Variants in ALS2 observed in about 807,000 individuals in gnomAD.
ALS2 encodes the protein alsin Rho guanine nucleotide exchange factor ALS2.
A neutral mutation model predicts 203.4 loss-of-function variants in ALS2; 117 were observed. The observed-to-expected ratio is 0.58, with a 90% CI of 0.50 to 0.67. The LOEUF is 0.67. Among genes scored for constraint, ALS2 ranks in the 30% least tolerant of loss-of-function variants. The pLI is 0.00. For synonymous variants in ALS2, 718 were observed against 725.9 expected, an observed-to-expected ratio of 0.99 and a Z score of 0.17; for missense variants, 1,715 against 1,989.4, an observed-to-expected ratio of 0.86 and a Z score of 2.62.
intron 25 of ALS2, among the ~76,000 whole-genome samples, chr2:201,714,169 T>C (rs778581031): frequency 6.6e-6 from 1 of 152,206 alleles, no homozygotes; most frequent in African/African-American, 2.4e-5. Context: ...GGTTGACCCT[T>C]GGCTGGCACT....
chr2:201,777,706 T>A (rs1416157258), intron 1 of ALS2, among the ~76,000 whole-genome samples: 1 of 152,294 alleles, frequency 6.6e-6, no homozygotes, highest in East Asian at 1.9e-4. Flanking sequence ...TCCCACGTTT[T>A]CATATTTACT....
chr2:201,723,314 C>T lies in ALS2; in HGVS notation c.3624+16G>A. ...TTAAAAAGTTAGTAATAACTACATG[C>T]AAATATTCCACTCACCATCATTTTA... On this transcript the variant is annotated intron_variant, in intron 22 of 33. Transcript: ENST00000264276. 6.3e-7 allele frequency: 1 copy of T among 1,582,652 alleles called. No homozygotes were observed. The highest frequency in any genetic ancestry group is 1.1e-5 in the South Asian group (1 of 90,438).
chr2:201,707,235 T>TA (rs1407078845), intron 28 of ALS2, among the ~76,000 whole-genome samples: 40 of 152,312 alleles, frequency 2.6e-4, no homozygotes, highest in Non-Finnish European at 4.9e-4. Context: ...TTTCATGAAT[T>TA]AAAAATCTCA....
intron 11 of ALS2, chr2:201,741,279 T>G (rs1183122665): frequency 5.4e-6 from 1 of 184,948 alleles, no homozygotes; most frequent in Non-Finnish European, 1.2e-5. Context: ...AAAGCAGACA[T>G]CAGAACAGCT....
In ALS2 at chr2:201,707,906, C is replaced by G. The variant is rs886055452; in HGVS notation, c.4366G>C (p.Gly1456Arg). ...GATTCAGATCGGGAATCTGACTTCC[C>G]AGTGCAAAAAGACTTCCTTTCGGTT... ...LPTERKSFCT[G>R]KSDSRSESPE... The change falls in exon 28 of 34, where the codon GGG (glycine) becomes CGG (arginine). Residue 1456 changes from glycine to arginine, a missense_variant. Around this residue, in one of 3 missense-constraint regions of ALS2, gnomAD observed 1,227 missense variants for 1,413.5 expected, o/e 0.87. Coordinates refer to ENST00000264276, the MANE Select transcript of ALS2 (RefSeq NM_020919.4). 2 of 1,613,460 alleles carry G rather than the reference C, an allele frequency of 1.2e-6. No homozygotes were observed. Among genetic ancestry groups the G allele is most frequent in the South Asian group, 2.2e-5 (2 of 91,054 alleles).
At chr2:201,731,951 A>G (rs1423011463) in intron 13 of ALS2, among the ~76,000 whole-genome samples, 2 of 152,222 alleles carry the variant, frequency 1.3e-5, no homozygotes, top group Non-Finnish European at 2.9e-5. Context: ...GGAAGGAAAT[A>G]TAAAGCATAT....
Position 201,704,207 on chromosome 2 carries a change from A to C in ALS2, c.4850T>G (p.Leu1617Ter), listed in dbSNP as rs1216013511. 5.0e-6 allele frequency: 8 copies of C among 1,613,962 alleles called. No homozygotes were observed. Among genetic ancestry groups the C allele is most frequent in the Non-Finnish European group, 5.9e-6 (7 of 1,179,850 alleles). Residue 1617 changes from leucine to a stop codon, truncating the protein, a stop_gained, in exon 33 of 34, where the codon TTA (leucine) becomes TGA (stop). Coordinates refer to ENST00000264276, the MANE Select transcript of ALS2 (RefSeq NM_020919.4). LOFTEE classifies it high-confidence loss of function. ...CTCAATGAGGTGTACCTCAGAGCCT[A>C]AATTCCTAATCCTGCCCCAGAGAGA... is the stretch of plus-strand genomic sequence containing the variant. ...YVVLRARIRN[L>*]GSEVHLIEDL...
chr2:201,737,298 A>C (rs1483162026), intron 12 of ALS2, among the ~76,000 whole-genome samples: 3 of 152,200 alleles, frequency 2.0e-5, no homozygotes, highest in African/African-American at 7.2e-5. Flanking sequence ...AGGGACTTGA[A>C]CATCCTTGAA....
chr2:201,717,263 G>A (rs1430811176), intron 24 of ALS2, among the ~76,000 whole-genome samples: 2 of 151,874 alleles, frequency 1.3e-5, no homozygotes, highest in East Asian at 1.9e-4. Flanking sequence ...TCAGGAGTTC[G>A]AGACCAGCCT....
rs529164422 is a variant in ALS2, at chr2:201,719,391, C to T, written c.3703-1181G>A. Among the ~76,000 whole-genome samples the T allele has an allele frequency of 2.0e-5, 3 of 152,224 alleles. No individual in the cohort carries two copies. The East Asian group carries it at 5.8e-4, about 29-fold the overall frequency. ...AGATCATGAGGTCAGGAGTTCGAGA[C>T]CAGCCTGACCAACATGGTGAAGCCC... On this transcript the variant is annotated intron_variant, in intron 23 of 33. Transcript: ENST00000264276.
At chr2:201,768,974 G>A (rs1694241739) in intron 1 of ALS2, 29 bp from the exon 2 acceptor site, 2 of 1,152,868 alleles carry the variant, frequency 1.7e-6, no homozygotes, top group South Asian at 1.5e-5. Context: ...GAAAAGAGCA[G>A]TAAAAGAATA....
Position 201,705,190 on chromosome 2 carries a change from G to C in ALS2, c.4637C>G (p.Thr1546Ser). ...ILGESKKVLP[T>S]TKDACFASAV... ...TGAGGCAAAACAAGCATCTTTCGTG[G>C]TTGGCAAAACCTGCAAAAAAGAGAG... Residue 1546 changes from threonine to serine, a missense_variant, in exon 31 of 34, where the codon ACC becomes AGC. This residue lies in a region of ALS2 where 1,227 missense variants were observed against 1,413.5 expected (regional missense o/e 0.87). Transcript: ENST00000264276. The C allele has an allele frequency of 6.2e-7, 1 of 1,614,082 alleles. No individual in the cohort carries two copies. The highest frequency in any genetic ancestry group is 8.5e-7 in the Non-Finnish European group (1 of 1,179,988).
chr2:201,717,928 C>T, intron 24 of ALS2, 149 bp downstream of exon 24: 1 of 745,596 alleles, frequency 1.3e-6, no homozygotes, highest in South Asian at 2.0e-5. Flanking sequence ...GACAGAGTGA[C>T]ACCCTGTCTC....
At chr2:201,729,808 G>A (rs1402894731) in intron 13 of ALS2, among the ~76,000 whole-genome samples, 3 of 151,108 alleles carry the variant, frequency 2.0e-5, no homozygotes, top group East Asian at 3.9e-4. Context: ...GTGAACCCGG[G>A]AGGCGGAGCT....
rs1691432385 is a variant in ALS2, at chr2:201,729,774, G to GGGAGGATGAGGCA, written c.2581-604_2581-592dup. Among the ~76,000 whole-genome samples the GGGAGGATGAGGCA allele has an allele frequency of 1.3e-5, 2 of 151,400 alleles. 1 individual carries two copies. Among genetic ancestry groups the GGGAGGATGAGGCA allele is most frequent in the South Asian group, 4.2e-4 (2 of 4,778 alleles). ...CGGGCGCCTGTAGACCCAGCTACTC[G>GGGAGGATGAGGCA]GGAGGATGAGGCAGGAGAATGGCGT... On this transcript the variant is annotated intron_variant, in intron 13 of 33. Transcript: ENST00000264276.
rs1477117912 is a variant in ALS2, at chr2:201,738,567, A to G, written c.2417+103T>C. ...AGTTTATATTTTGACTTGTTTGGTA[A>G]AATGATGAAGTCAAAGCTTTCCCTG... On this transcript the variant is annotated intron_variant, in intron 12 of 33. Transcript: ENST00000264276. 10 of 1,125,294 alleles carry G rather than the reference A, an allele frequency of 8.9e-6. No individual in the cohort carries two copies. In the Admixed American group the frequency reaches 1.6e-4, roughly 18 times the overall value. 69.7% of individuals were successfully genotyped at this position (1,125,294 alleles called of 1,614,324 possible).
chr2:201,705,037 G>C (rs1689617782), intron 31 of ALS2, 102 bp downstream of exon 31: 2 of 1,135,958 alleles, frequency 1.8e-6, no homozygotes, highest in Non-Finnish European at 2.6e-6. Context: ...ATATAGAATG[G>C]GGATGCTTAA....
intron 4 of ALS2, 113 bp from the exon 5 acceptor site, chr2:201,757,872 G>A (rs747871239): frequency 3.4e-5 from 28 of 814,114 alleles, no homozygotes; most frequent in Non-Finnish European, 4.7e-5. Flanking sequence ...AATCTAAAAC[G>A]ACAGAAGTTC....
rs549803753 is a variant in ALS2 at position 201,702,283 on chromosome 2, T to C, written c.4936-394A>G. ...TAATAAATATACAGATTAAGCATCATTGCAGACCTGGGGAGTCATAACTTC... is the reference window on the plus strand; with the variant it reads ...TAATAAATATACAGATTAAGCATCACTGCAGACCTGGGGAGTCATAACTTC... On this transcript the variant is annotated intron_variant, in intron 33 of 33. Transcript: ENST00000264276. Among the ~76,000 whole-genome samples the C allele has an allele frequency of 4.0e-3, 611 of 152,116 alleles. 3 individuals are homozygous for C. The highest frequency in any genetic ancestry group is 6.6e-3 in the Non-Finnish European group (452 of 67,992).
Sources: gnomAD v4.1 joint callset for allele counts (sites outside exome capture counted in the v4.1 genomes callset) on GRCh38, gnomAD v4.1.1 for gene constraint, gnomAD v4.1.1 regional missense constraint, MANE v1.5 for transcripts, NCBI Gene and HGNC (gene_info 2026-07-23, HGNC 2026-07-21) for gene names.